The following NT5DC1 variants were observed in gnomAD, a reference collection of about 807,000 sequenced individuals.
The protein encoded by NT5DC1 is 5'-nucleotidase domain containing 1.
Under a neutral mutation model 59.4 loss-of-function variants are expected in NT5DC1, and 42 were observed. That is an observed-to-expected ratio of 0.71 (90% confidence interval 0.55 to 0.92). The LOEUF (loss-of-function observed/expected upper bound fraction) is 0.92, where lower values mean the gene tolerates loss of function less well. NT5DC1 is among the 40% of genes least tolerant of loss of function. NT5DC1 has a pLI of 0.00. For synonymous variants in NT5DC1, 172 were observed against 188.1 expected (o/e 0.91, Z 0.70); for missense variants, 501 against 537.1 (o/e 0.93, Z 0.66).
At chr6:116,120,524 C>G (rs1249603408) in intron 6 of NT5DC1, 11 of 1,614,114 alleles carry the variant, frequency 6.8e-6, no homozygotes, top group Non-Finnish European at 9.3e-6. Context: ...AAGACTGGGC[C>G]TTTGGCCTGC....
At chr6:116,187,273 G>A (rs1479229323) in intron 6 of NT5DC1, among the ~76,000 whole-genome samples, 3 of 152,060 alleles carry the variant, frequency 2.0e-5, no homozygotes, top group African/African-American at 4.8e-5. Flanking sequence ...TAGCAGGGGA[G>A]CGAAGTGGAC....
chr6:116,121,044 G>A (rs769683783), intron 6 of NT5DC1: 1 of 1,614,058 alleles, frequency 6.2e-7, no homozygotes, highest in Non-Finnish European at 8.5e-7. Flanking sequence ...TTAGGGCCTG[G>A]GAGACCATGG....
chr6:116,150,367 C>A (rs976306778), intron 6 of NT5DC1, among the ~76,000 whole-genome samples: 1 of 152,110 alleles, frequency 6.6e-6, no homozygotes, highest in Non-Finnish European at 1.5e-5. Flanking sequence ...TCACTGCAAC[C>A]TCCACCTCCC....
At chr6:116,196,505 C>T (rs1270971458) in intron 6 of NT5DC1, among the ~76,000 whole-genome samples, 2 of 151,840 alleles carry the variant, frequency 1.3e-5, no homozygotes, top group African/African-American at 2.4e-5. Flanking sequence ...TTCTCTTTGC[C>T]ATTTGGTTTT....
intron 8 of NT5DC1, among the ~76,000 whole-genome samples, chr6:116,234,096 G>A (rs571973445): frequency 6.6e-6 from 1 of 151,168 alleles, no homozygotes; most frequent in African/African-American, 2.4e-5. Context: ...GAGTAGCTGG[G>A]ACTACAGGCA....
At chr6:116,234,592 C>G (rs1018201689) in intron 8 of NT5DC1, among the ~76,000 whole-genome samples, 2 of 152,138 alleles carry the variant, frequency 1.3e-5, no homozygotes, top group African/African-American at 4.8e-5. Flanking sequence ...CTGCCTGCCT[C>G]AGACTCCCAA....
chr6:116,147,580 C>T (rs1779930576), intron 6 of NT5DC1, among the ~76,000 whole-genome samples: 1 of 151,830 alleles, frequency 6.6e-6, no homozygotes, highest in South Asian at 2.1e-4. Context: ...AACAATAACC[C>T]AGTTGAATAA....
intron 4 of NT5DC1, among the ~76,000 whole-genome samples, chr6:116,115,346 T>C (rs1340662405): frequency 1.3e-5 from 2 of 152,242 alleles, no homozygotes; most frequent in Non-Finnish European, 1.5e-5. Context: ...GTAAATTGAT[T>C]GTTTTGAAAT....
In NT5DC1 at chr6:116,148,804, G is replaced by A. The variant is rs569575178; in HGVS notation, c.529+30859G>A. 2.0e-5 allele frequency among the ~76,000 whole-genome samples: 3 copies of A among 152,176 alleles called. No individual in the cohort carries two copies. In the South Asian group the frequency reaches 6.2e-4, roughly 32 times the overall value. On this transcript the variant is annotated intron_variant, in intron 6 of 11. Coordinates refer to ENST00000319550, the MANE Select transcript of NT5DC1 (RefSeq NM_152729.3). Reference sequence around the variant, plus strand: ...GACTTTTTAAACCCATATTTTGAGTGGGTTACAGGTAAGTCATTTCTATAA... The same window carrying A: ...GACTTTTTAAACCCATATTTTGAGTAGGTTACAGGTAAGTCATTTCTATAA...
chr6:116,116,427 A>G (rs1187556642), intron 5 of NT5DC1, among the ~76,000 whole-genome samples: 5 of 152,218 alleles, frequency 3.3e-5, no homozygotes, highest in Non-Finnish European at 7.3e-5. Flanking sequence ...GCGGATCACG[A>G]AGTCAGGAGT....
chr6:116,237,193 G>C lies in NT5DC1; in HGVS notation c.921+109G>C, dbSNP rs1425173071. 7 of 693,678 alleles carry C rather than the reference G, an allele frequency of 1.0e-5. No homozygotes were observed. The South Asian group carries it at 1.0e-4, about 10-fold the overall frequency. 43.0% of individuals were successfully genotyped at this position (693,678 alleles called of 1,614,324 possible). A position where few individuals can be genotyped will look rare whatever the true frequency, so the allele number is the denominator to read the frequency against. On this transcript the variant is annotated intron_variant, in intron 9 of 11. Coordinates refer to ENST00000319550, the MANE Select transcript of NT5DC1 (RefSeq NM_152729.3). ...TTCTGCTTAAATAAGCCTTTCCTTT[G>C]TCAATGTAGACAGGCTGTCTATCTG...
In NT5DC1 at chr6:116,248,348, A is replaced by C. The variant is rs1040324650; in HGVS notation, c.*4324A>C. 6.6e-6 allele frequency: 1 copy of C among 152,218 alleles called. No homozygotes were observed. Among genetic ancestry groups the C allele is most frequent in the Non-Finnish European group, 1.5e-5 (1 of 68,036 alleles). The allele number at this position is 152,218 out of a possible 1,614,324, so 9.4% of individuals were successfully genotyped here. ...GACATATCTCAGATCTTTTGAGGAGATTGTGAAGCCAGGGAATAAGTAACT... is the reference window on the plus strand; with the variant it reads ...GACATATCTCAGATCTTTTGAGGAGCTTGTGAAGCCAGGGAATAAGTAACT... On this transcript the variant is annotated 3_prime_UTR_variant, in exon 12 of 12. Transcript: ENST00000319550.
At chr6:116,169,183 GCTT>G (rs1454962040) in intron 6 of NT5DC1, among the ~76,000 whole-genome samples, 2 of 152,154 alleles carry the variant, frequency 1.3e-5, no homozygotes, top group Non-Finnish European at 2.9e-5. Flanking sequence ...CTTTTCCTCA[GCTT>G]CTCAACTTGA....
At chr6:116,129,418 G>A (rs1249056257) in intron 6 of NT5DC1, among the ~76,000 whole-genome samples, 2 of 152,188 alleles carry the variant, frequency 1.3e-5, no homozygotes, top group Admixed American at 6.5e-5. Context: ...TGGCAAGTGG[G>A]ATCTTTAAGA....
intron 6 of NT5DC1, among the ~76,000 whole-genome samples, chr6:116,207,386 C>G (rs1046069000): frequency 1.3e-5 from 2 of 151,580 alleles, no homozygotes; most frequent in Non-Finnish European, 2.9e-5. Context: ...AAATCCTTTA[C>G]AATCTTTAAT....
chr6:116,206,271 C>G (rs979550406), intron 6 of NT5DC1, among the ~76,000 whole-genome samples: 1 of 151,970 alleles, frequency 6.6e-6, no homozygotes, highest in African/African-American at 2.4e-5. Flanking sequence ...AAAAATAGCT[C>G]TAACACAAAA....
chr6:116,153,424 A>T (rs929945932), intron 6 of NT5DC1, among the ~76,000 whole-genome samples: 3 of 152,154 alleles, frequency 2.0e-5, no homozygotes, highest in Admixed American at 2.0e-4. Flanking sequence ...GTTATCTTTA[A>T]GCATAGTGTT....
Position 116,106,241 on chromosome 6 carries a change from C to T in NT5DC1, c.94-3C>T. The T allele has an allele frequency of 6.9e-7, 1 of 1,450,380 alleles. No individual in the cohort carries two copies. The highest frequency in any genetic ancestry group is 1.1e-5 in the South Asian group (1 of 87,574). 89.8% of individuals were successfully genotyped at this position (1,450,380 alleles called of 1,614,324 possible). ...AATCTGTTTTTCTTCCCCTTATTTG[C>T]AGCTCATTTATAATAGCTTTGCCCA... is the stretch of plus-strand genomic sequence containing the variant. On this transcript the variant is annotated splice_polypyrimidine_tract_variant and splice_region_variant and intron_variant, in intron 1 of 11. Coordinates refer to ENST00000319550, the MANE Select transcript of NT5DC1 (RefSeq NM_152729.3).
Position 116,101,040 on chromosome 6 carries a change from C to T in NT5DC1, c.93+17C>T. 2 of 1,555,024 alleles carry T rather than the reference C, an allele frequency of 1.3e-6. No individual in the cohort carries two copies. The highest frequency in any genetic ancestry group is 1.1e-5 in the South Asian group (1 of 87,576). On this transcript the variant is annotated intron_variant, in intron 1 of 11. Transcript: ENST00000319550. ...AGCGCCCCGGTGAGTGGCGCGGGCT[C>T]CGGGGCGCACTGCGCGCAACCTCCA...
Sources: allele counts gnomAD v4.1 joint callset (sites outside exome capture counted in the v4.1 genomes callset), GRCh38; gene constraint gnomAD v4.1.1; transcripts MANE v1.5; gene names NCBI Gene and HGNC (gene_info 2026-07-23, HGNC 2026-07-21).